TRIM32: variants seen among roughly 807,000 people sequenced by gnomAD.
TRIM32 encodes the protein tripartite motif containing 32.
In TRIM32, 19 loss-of-function variants were observed where a neutral mutation model predicts 36.0. That is an observed-to-expected ratio of 0.53 (90% CI 0.37 to 0.77). The LOEUF is 0.77. Among genes scored for constraint, TRIM32 ranks in the 30% least tolerant of loss-of-function variants. TRIM32 has a pLI of 0.00. For missense variants in TRIM32, 747 were observed against 845.2 expected, an observed-to-expected ratio of 0.88 and a Z score of 1.44; for synonymous variants, 309 against 318.5, an observed-to-expected ratio of 0.97 and a Z score of 0.32.
Position 116,699,945 on chromosome 9 carries a change from C to T in TRIM32, c.*241C>T. The T allele has an allele frequency of 1.6e-6, 1 of 611,622 alleles. No individual in the cohort carries two copies. Among genetic ancestry groups the T allele is most frequent in the Non-Finnish European group, 2.9e-6 (1 of 344,978 alleles). 37.9% of individuals were successfully genotyped at this position (611,622 alleles called of 1,614,324 possible). On this transcript the variant is annotated 3_prime_UTR_variant, in exon 2 of 2. Transcript: ENST00000450136. This position sits in a 1 kb window ranked among gnomAD's most constrained non-coding sequence, Gnocchi z 4.2. ...CAAATAGGACACACGATGGTGTTAGCTGAAGTTTGATTAGCAATTAGGCAC... is the reference window on the plus strand; with the variant it reads ...CAAATAGGACACACGATGGTGTTAGTTGAAGTTTGATTAGCAATTAGGCAC...
At position 116,699,795 on chromosome 9, in the gene TRIM32, G is replaced by C; in HGVS notation, c.*91G>C. Reference sequence around the variant, plus strand: ...TAGTGGCACATGCAGAATAGACTCAGCCTATGTCCTGATTCCAGCTGGGTA... The same window carrying C: ...TAGTGGCACATGCAGAATAGACTCACCCTATGTCCTGATTCCAGCTGGGTA... On this transcript the variant is annotated 3_prime_UTR_variant, in exon 2 of 2. Transcript: ENST00000450136. This position sits in a 1 kb window ranked among gnomAD's most constrained non-coding sequence, Gnocchi z 4.2. The C allele has an allele frequency of 1.3e-6, 2 of 1,565,908 alleles. No homozygotes were observed. Among genetic ancestry groups the C allele is most frequent in the Non-Finnish European group, 1.8e-6 (2 of 1,140,602 alleles).
At chr9:116,692,117 T>C (rs1449095647) in intron 1 of TRIM32, among the ~76,000 whole-genome samples, 6 of 152,218 alleles carry the variant, frequency 3.9e-5, no homozygotes, top group Non-Finnish European at 7.3e-5. Flanking sequence ...TCTCCAGTTT[T>C]GCTCATGGCC....
In TRIM32 at chr9:116,697,879, A is replaced by G. The variant is rs151330357; in HGVS notation, c.137A>G (p.Gln46Arg). The G allele has an allele frequency of 1.9e-6, 3 of 1,614,094 alleles. No individual in the cohort carries two copies. The African/African-American group carries it at 4.0e-5, about 22-fold the overall frequency. ...CACTGTGGCCATACCATCTGCCGCC[A>G]GTGCCTGGAGAAGCTATTGGCCAGT... The part of the protein sequence containing the change: ...LLHCGHTICR[Q>R]CLEKLLASSI... The change falls in exon 2 of 2, where the codon CAG (glutamine) becomes CGG (arginine). Residue 46 changes from glutamine (Q) to arginine (R), a missense_variant. Gln to Arg is a conservative substitution (Grantham distance 43). Coordinates refer to ENST00000450136, the MANE Select transcript of TRIM32 (RefSeq NM_012210.4).
rs991537091 is a variant in TRIM32 at position 116,687,313 on chromosome 9, G to C, written c.-150G>C. On this transcript the variant is annotated 5_prime_UTR_variant, in exon 1 of 2. Transcript: ENST00000450136. ...GGCGCCCGGCAAGGGGTGCTCAACG[G>C]CGCGTGCGCAGAGGGAGGCAGGCGG... 4 of 982,070 alleles carry C rather than the reference G, an allele frequency of 4.1e-6. No individual in the cohort carries two copies. Among genetic ancestry groups the C allele is most frequent in the Non-Finnish European group, 4.8e-6 (4 of 826,746 alleles). 60.8% of individuals were successfully genotyped at this position (982,070 alleles called of 1,614,324 possible).
intron 1 of TRIM32, among the ~76,000 whole-genome samples, chr9:116,693,905 C>G (rs1860702220): frequency 1.3e-5 from 2 of 152,284 alleles, no homozygotes; most frequent in South Asian, 4.2e-4. Flanking sequence ...CTCTATCTGC[C>G]TGTCTCTTAG....
At position 116,698,295 on chromosome 9, in the gene TRIM32, C is replaced by G. The variant is rs918084173; in HGVS notation, c.553C>G (p.Leu185Val). ...KDLQARYKAV[L>V]QEYGHEERRV... Reference sequence around the variant, plus strand: ...CCTTCAGGCAAGGTATAAAGCAGTTCTCCAGGAGTATGGGCATGAGGAGCG... The same window carrying G: ...CCTTCAGGCAAGGTATAAAGCAGTTGTCCAGGAGTATGGGCATGAGGAGCG... Residue 185 changes from leucine to valine, a missense_variant, in exon 2 of 2, where the codon CTC becomes GTC. Transcript: ENST00000450136. The surrounding 1 kb of genome is among the most constrained non-coding windows in gnomAD (Gnocchi z 4.4). The G allele has an allele frequency of 6.2e-7, 1 of 1,614,156 alleles. No individual in the cohort carries two copies. Among genetic ancestry groups the G allele is most frequent in the South Asian group, 1.1e-5 (1 of 91,070 alleles).
chr9:116,699,101 G>T lies in TRIM32; in HGVS notation c.1359G>T (p.Lys453Asn). Reference sequence around the variant, plus strand: ...CTGACAGCTATGATAACTCCCTCAAGGTATATACCTTGGATGGCCACTGCG... The same window carrying T: ...CTGACAGCTATGATAACTCCCTCAATGTATATACCTTGGATGGCCACTGCG... ...GVTDSYDNSL[K>N]VYTLDGHCVA... Residue 453 changes from lysine to asparagine, a missense_variant, in exon 2 of 2, where the codon AAG becomes AAT. Transcript: ENST00000450136. This position sits in a 1 kb window ranked among gnomAD's most constrained non-coding sequence, Gnocchi z 4.2. 1 of 1,614,024 alleles carries T rather than the reference G, an allele frequency of 6.2e-7. No homozygotes were observed.
At chr9:116,691,964 A>G (rs1447321876) in intron 1 of TRIM32, among the ~76,000 whole-genome samples, 1 of 152,214 alleles carries the variant, frequency 6.6e-6, no homozygotes, top group Non-Finnish European at 1.5e-5. Flanking sequence ...AAGGAAATGC[A>G]ATATTTTACA....
In TRIM32 at chr9:116,698,125, A is replaced by G; in HGVS notation, c.383A>G (p.His128Arg). The G allele has an allele frequency of 1.2e-6, 2 of 1,614,122 alleles. No homozygotes were observed. The highest frequency in any genetic ancestry group is 1.7e-6 in the Non-Finnish European group (2 of 1,180,044). Residue 128 changes from histidine (H) to arginine (R), a missense_variant, in exon 2 of 2, where the codon CAT becomes CGT. By Grantham distance (29) the His-to-Arg change is conservative (BLOSUM62 0). Transcript: ENST00000450136. The surrounding 1 kb of genome is among the most constrained non-coding windows in gnomAD (Gnocchi z 4.4). Reference sequence around the variant, plus strand: ...TGTGAGCCCTGCCGGGAGGCAGACCATCAGCCTCCTGGCCACTGTACACTC... The same window carrying G: ...TGTGAGCCCTGCCGGGAGGCAGACCGTCAGCCTCCTGGCCACTGTACACTC... ...VLCEPCREAD[H>R]QPPGHCTLPV...
At chr9:116,690,411 G>A (rs1376936552) in intron 1 of TRIM32, among the ~76,000 whole-genome samples, 1 of 152,150 alleles carries the variant, frequency 6.6e-6, no homozygotes, top group Non-Finnish European at 1.5e-5. Flanking sequence ...CATTATAGTA[G>A]TTTTATTAGA....
intron 1 of TRIM32, among the ~76,000 whole-genome samples, chr9:116,694,459 C>T (rs1328885408): frequency 1.7e-4 from 15 of 88,044 alleles, no homozygotes; most frequent in Non-Finnish European, 2.4e-4. Context: ...TGTAATTTCT[C>T]TTTTTTTTTT....
intron 1 of TRIM32, among the ~76,000 whole-genome samples, chr9:116,688,292 C>T (rs1860377553): frequency 6.6e-6 from 1 of 151,986 alleles, no homozygotes; most frequent in East Asian, 1.9e-4. Context: ...AGGATTGAAT[C>T]GTGGGGTGGA....
chr9:116,699,848 T>C lies in TRIM32; in HGVS notation c.*144T>C, dbSNP rs1861086076. The C allele has an allele frequency of 9.0e-7, 1 of 1,114,328 alleles. No homozygotes were observed. Among genetic ancestry groups the C allele is most frequent in the Non-Finnish European group, 1.3e-6 (1 of 773,854 alleles). The allele number at this position is 1,114,328 out of a possible 1,614,324, so 69.0% of individuals were successfully genotyped here. A position where few individuals can be genotyped will look rare whatever the true frequency, so the allele number is the denominator to read the frequency against. Reference sequence around the variant, plus strand: ...TCTAGAACTTCAGAAGCTCCATCTTTTAATGTTTTTATTTGTTATGTCCCC... The same window carrying C: ...TCTAGAACTTCAGAAGCTCCATCTTCTAATGTTTTTATTTGTTATGTCCCC... On this transcript the variant is annotated 3_prime_UTR_variant, in exon 2 of 2. Coordinates refer to ENST00000450136, the MANE Select transcript of TRIM32 (RefSeq NM_012210.4). This position sits in a 1 kb window ranked among gnomAD's most constrained non-coding sequence, Gnocchi z 4.2.
At chr9:116,694,627 A>ATTTTT (rs11340280) in intron 1 of TRIM32, among the ~76,000 whole-genome samples, 3 of 128,050 alleles carry the variant, frequency 2.3e-5, no homozygotes, top group Non-Finnish European at 4.9e-5. Context: ...CGCCCAGCTA[A>ATTTTT]TTTTTTTTTT....
intron 1 of TRIM32, among the ~76,000 whole-genome samples, chr9:116,696,393 T>C (rs1860853743): frequency 6.6e-6 from 1 of 152,242 alleles, no homozygotes; most frequent in Non-Finnish European, 1.5e-5. Context: ...ACAGTATTTT[T>C]CCATTTTAAA....
chr9:116,697,795 T>A lies in TRIM32; in HGVS notation c.53T>A (p.Leu18Gln), dbSNP rs1860942622. The A allele has an allele frequency of 6.2e-7, 1 of 1,614,058 alleles. No individual in the cohort carries two copies. The highest frequency in any genetic ancestry group is 8.5e-7 in the Non-Finnish European group (1 of 1,180,042). The change falls in exon 2 of 2, where the codon CTA becomes CAA. Residue 18 changes from leucine (L) to glutamine (Q), a missense_variant. Coordinates refer to ENST00000450136, the MANE Select transcript of TRIM32 (RefSeq NM_012210.4). The part of the protein sequence containing the change: ...HLNLDALREV[L>Q]ECPICMESFT... The stretch of plus-strand genomic sequence containing the variant: ...AACCTGGATGCCCTCCGGGAAGTGC[T>A]AGAATGCCCCATCTGCATGGAGTCC...
chr9:116,696,177 T>C (rs574543133), intron 1 of TRIM32, among the ~76,000 whole-genome samples: 1 of 152,334 alleles, frequency 6.6e-6, no homozygotes. Flanking sequence ...AAATCTCATT[T>C]TGGCTCTGAA....
At position 116,700,367 on chromosome 9, in the gene TRIM32, C is replaced by A. The variant is rs1474224185; in HGVS notation, c.*663C>A. The A allele has an allele frequency of 6.0e-6, 1 of 167,496 alleles. No homozygotes were observed. The highest frequency in any genetic ancestry group is 2.4e-5 in the African/African-American group (1 of 41,444). The allele number at this position is 167,496 out of a possible 1,614,324, so 10.4% of individuals were successfully genotyped here. A position where few individuals can be genotyped will look rare whatever the true frequency, so the allele number is the denominator to read the frequency against. ...TTGCAGATGTGACAGAATGGATTGA[C>A]CCTAGTTGGTTGGTATTGATGACTT... is the stretch of plus-strand genomic sequence containing the variant. On this transcript the variant is annotated 3_prime_UTR_variant, in exon 2 of 2. Coordinates refer to ENST00000450136, the MANE Select transcript of TRIM32 (RefSeq NM_012210.4).
intron 1 of TRIM32, among the ~76,000 whole-genome samples, chr9:116,688,678 A>G (rs1343523892): frequency 6.6e-6 from 1 of 152,212 alleles, no homozygotes; most frequent in Non-Finnish European, 1.5e-5. Context: ...GGGAAGAAGA[A>G]GTGGAACTAT....
Sources: gnomAD v4.1 joint callset for allele counts (sites outside exome capture counted in the v4.1 genomes callset) on GRCh38, gnomAD v4.1.1 for gene constraint, Gnocchi (gnomAD v3.1) non-coding constraint, MANE v1.5 for transcripts, NCBI Gene and HGNC (gene_info 2026-07-23, HGNC 2026-07-21) for gene names.